Variants in TRIM35 observed in about 807,000 individuals in gnomAD.
TRIM35 encodes the protein E3 ubiquitin-protein ligase TRIM35.
TRIM35 carries 37 observed loss-of-function variants against 49.1 expected under a neutral mutation model. The observed-to-expected ratio is 0.75, with a 90% CI of 0.58 to 0.99. The LOEUF (loss-of-function observed/expected upper bound fraction) is 0.99, where lower values mean the gene tolerates loss of function less well. TRIM35 is among the 50% of genes least tolerant of loss of function. TRIM35 has a pLI of 0.00. For missense variants in TRIM35, 648 were observed against 702.7 expected (o/e 0.92, Z 0.88); for synonymous variants, 302 against 289.3 (o/e 1.04, Z -0.45).
chr8:27,296,780 G>A (rs992147003), intron 2 of TRIM35, among the ~76,000 whole-genome samples: 2 of 152,232 alleles, frequency 1.3e-5, no homozygotes, highest in African/African-American at 4.8e-5. Flanking sequence ...CAGCAGGTTC[G>A]TAATCGCTAT....
intron 3 of TRIM35, among the ~76,000 whole-genome samples, chr8:27,293,845 C>A (rs1020818923): frequency 1.3e-5 from 2 of 151,974 alleles, no homozygotes; most frequent in East Asian, 3.9e-4. Flanking sequence ...ACAGCAAGAC[C>A]CTGTCTCTAA....
chr8:27,287,151 C>T lies in TRIM35; in HGVS notation c.*399G>A. The T allele has an allele frequency of 5.8e-6, 1 of 171,760 alleles. No homozygotes were observed. Among genetic ancestry groups the T allele is most frequent in the Non-Finnish European group, 1.2e-5 (1 of 80,744 alleles). The allele number at this position is 171,760 out of a possible 1,614,324, so 10.6% of individuals were successfully genotyped here. ...TCCTATGTGGCCCCTCCTCTCAGAACCGTAAGTAACAAACTCTCCTTTCCA... is the reference window on the plus strand; with the variant it reads ...TCCTATGTGGCCCCTCCTCTCAGAATCGTAAGTAACAAACTCTCCTTTCCA... On this transcript the variant is annotated 3_prime_UTR_variant, in exon 6 of 6. Transcript: ENST00000305364. This position sits in a 1 kb window ranked among gnomAD's most constrained non-coding sequence, Gnocchi z 6.0.
rs774879974 is a variant in TRIM35, at chr8:27,285,576, A to G, written c.*1974T>C. ...GCTACAACATGGATGAACTTTGCTT[A>G]TAAGAACATTGAAAAGAAAATGCCA... On this transcript the variant is annotated 3_prime_UTR_variant, in exon 6 of 6. Coordinates refer to ENST00000305364, the MANE Select transcript of TRIM35 (RefSeq NM_171982.5). 4.0e-5 allele frequency: 6 copies of G among 151,814 alleles called. No homozygotes were observed. The highest frequency in any genetic ancestry group is 5.9e-5 in the Non-Finnish European group (4 of 67,984). 9.4% of individuals were successfully genotyped at this position (151,814 alleles called of 1,614,324 possible).
chr8:27,310,768 G>C (rs1454613536), intron 1 of TRIM35, 33 bp downstream of exon 1: 1 of 1,541,162 alleles, frequency 6.5e-7, no homozygotes, highest in Non-Finnish European at 8.8e-7. Flanking sequence ...TCCAGACCCG[G>C]CTCGGCCGCC....
Position 27,310,951 on chromosome 8 carries a change from G to A in TRIM35, c.285C>T (p.Tyr95=), listed in dbSNP as rs772530568. 6.8e-6 allele frequency: 11 copies of A among 1,612,556 alleles called. No homozygotes were observed. The highest frequency in any genetic ancestry group is 7.6e-6 in the Non-Finnish European group (9 of 1,179,740). The change falls in exon 1 of 6, where the codon TAC becomes TAT. Residue 95 remains tyrosine, a synonymous_variant. Coordinates refer to ENST00000305364, the MANE Select transcript of TRIM35 (RefSeq NM_171982.5). The stretch of plus-strand genomic sequence containing the variant: ...GCAGGCGGCAGACACGCGAGAAGCG[G>A]TAGCTGGTCCAGCGCGCGCCCTCGG... ...EEAEGARWTS[Y]RFSRVCRLHR...
chr8:27,291,154 G>A (rs1338299034), intron 3 of TRIM35, among the ~76,000 whole-genome samples: 2 of 145,788 alleles, frequency 1.4e-5, no homozygotes, highest in African/African-American at 5.1e-5. Flanking sequence ...TACATGAAGA[G>A]CTAAAACCGA....
At chr8:27,300,941 A>G (rs1802671694) in intron 1 of TRIM35, among the ~76,000 whole-genome samples, 1 of 152,228 alleles carries the variant, frequency 6.6e-6, no homozygotes, top group Non-Finnish European at 1.5e-5. Flanking sequence ...TGCAGGCCCC[A>G]AAACAACACA....
At chr8:27,306,337 T>G (rs928345365) in intron 1 of TRIM35, among the ~76,000 whole-genome samples, 7 of 151,476 alleles carry the variant, frequency 4.6e-5, no homozygotes, top group African/African-American at 1.7e-4. Context: ...TTCTTTTTTT[T>G]TTTTTTGAGA....
intron 5 of TRIM35, 37 bp from the exon 6 acceptor site, chr8:27,288,164 TGAGGTCCCTTAGGCCACACGTG>T (rs757831250): frequency 2.2e-4 from 350 of 1,566,102 alleles, no homozygotes; most frequent in Non-Finnish European, 3.0e-4. Flanking sequence ...TCAGCAAACC[TGAGGTCCCTTAGGCCACACGTG>T]GATATCTCCA....
In TRIM35 at chr8:27,285,990, T is replaced by G; in HGVS notation, c.*1560A>C. ...CCTCCTTGTGGCCTTAAGTTTTATC[T>G]AACCAGTGTACACAACATATTTATA... On this transcript the variant is annotated 3_prime_UTR_variant, in exon 6 of 6. Transcript: ENST00000305364. The G allele has an allele frequency of 2.4e-6, 1 of 411,172 alleles. No individual in the cohort carries two copies. The highest frequency in any genetic ancestry group is 1.7e-5 in the South Asian group (1 of 57,430). 25.5% of individuals were successfully genotyped at this position (411,172 alleles called of 1,614,324 possible).
rs142080263 is a variant in TRIM35, at chr8:27,298,479, G to T, written c.516C>A (p.Ile172=). 9 of 1,614,166 alleles carry T rather than the reference G, an allele frequency of 5.6e-6. No homozygotes were observed. The highest frequency in any genetic ancestry group is 7.6e-6 in the Non-Finnish European group (9 of 1,180,030). The change falls in exon 2 of 6, where the codon ATC becomes ATA. Residue 172 remains isoleucine, a synonymous_variant. Transcript: ENST00000305364. ...GTTCGCTCACCTGATTGTGCTTGGC[G>T]ATGGCCTCATAGGAGCGCCGCATGG... ...FWAMRRSYEA[I]AKHNQVEAAW... is the part of the protein sequence containing the mutation.
chr8:27,305,507 A>AG (rs1395799117), intron 1 of TRIM35, among the ~76,000 whole-genome samples: 1 of 152,234 alleles, frequency 6.6e-6, no homozygotes, highest in Non-Finnish European at 1.5e-5. Flanking sequence ...CTCACCTAGA[A>AG]GCTGGGGATC....
intron 4 of TRIM35, 67 bp from the exon 5 acceptor site, chr8:27,289,347 C>T (rs529633646): frequency 7.6e-7 from 1 of 1,322,012 alleles, no homozygotes; most frequent in African/African-American, 1.4e-5. Context: ...ACTGGGCCAA[C>T]TGGAAACCAG....
Position 27,286,800 on chromosome 8 carries a change from T to C in TRIM35, c.*750A>G, listed in dbSNP as rs1802331556. ...TAGCCAATCCCCCAATCCCTAGAGATGGCAAGCATCTGGCTGAAAGCATGC... is the reference window on the plus strand; with the variant it reads ...TAGCCAATCCCCCAATCCCTAGAGACGGCAAGCATCTGGCTGAAAGCATGC... On this transcript the variant is annotated 3_prime_UTR_variant, in exon 6 of 6. Coordinates refer to ENST00000305364, the MANE Select transcript of TRIM35 (RefSeq NM_171982.5). 1 of 152,566 alleles carries C rather than the reference T, an allele frequency of 6.6e-6. No individual in the cohort carries two copies. The highest frequency in any genetic ancestry group is 2.4e-5 in the African/African-American group (1 of 41,454). 9.5% of individuals were successfully genotyped at this position (152,566 alleles called of 1,614,324 possible). A position where few individuals can be genotyped will look rare whatever the true frequency, so the allele number is the denominator to read the frequency against.
intron 1 of TRIM35, 36 bp downstream of exon 1, chr8:27,310,765 C>A: frequency 2.6e-6 from 4 of 1,538,472 alleles, no homozygotes; most frequent in African/African-American, 2.7e-5. Flanking sequence ...GGTTCCAGAC[C>A]CGGCTCGGCC....
intron 5 of TRIM35, among the ~76,000 whole-genome samples, chr8:27,288,868 C>G (rs1405787241): frequency 6.6e-6 from 1 of 152,210 alleles, no homozygotes; most frequent in Non-Finnish European, 1.5e-5. Context: ...TTTTATCATA[C>G]AAAACACAGT....
At chr8:27,291,451 G>A (rs1332182305) in intron 3 of TRIM35, among the ~76,000 whole-genome samples, 1 of 152,194 alleles carries the variant, frequency 6.6e-6, no homozygotes, top group Non-Finnish European at 1.5e-5. Context: ...CACTCCTGAT[G>A]GGAATATAAA....
chr8:27,286,639 A>G lies in TRIM35; in HGVS notation c.*911T>C, dbSNP rs1586039644. 5.6e-6 allele frequency: 1 copy of G among 177,342 alleles called. No individual in the cohort carries two copies. The highest frequency in any genetic ancestry group is 1.2e-5 in the Non-Finnish European group (1 of 83,698). The allele number at this position is 177,342 out of a possible 1,614,324, so 11.0% of individuals were successfully genotyped here. ...TGTGTTCAGAGGAAATCGTGCAAGA[A>G]TAGATCAATCAGAGCTGATCTGATG... On this transcript the variant is annotated 3_prime_UTR_variant, in exon 6 of 6. Transcript: ENST00000305364.
At chr8:27,295,968 AG>A (rs1802557128) in intron 2 of TRIM35, among the ~76,000 whole-genome samples, 1 of 152,186 alleles carries the variant, frequency 6.6e-6, no homozygotes, top group African/African-American at 2.4e-5. Context: ...AAATATTCCA[AG>A]GGAAAAAAAG....
Sources: allele counts gnomAD v4.1 joint callset (sites outside exome capture counted in the v4.1 genomes callset), GRCh38; gene constraint gnomAD v4.1.1; non-coding constraint Gnocchi (gnomAD v3.1); transcripts MANE v1.5; gene names NCBI Gene and HGNC (gene_info 2026-07-23, HGNC 2026-07-21).